Variants in FABP12 observed in about 807,000 individuals in gnomAD.
FABP12 encodes the protein fatty acid binding protein 12.
In FABP12, 19 loss-of-function variants were observed where a neutral mutation model predicts 13.7. The observed-to-expected ratio is 1.39, with a 90% confidence interval of 0.97 to 2.04. The LOEUF (loss-of-function observed/expected upper bound fraction) is 2.04, where lower values mean the gene tolerates loss of function less well. Among genes scored for constraint, FABP12 ranks in the 30% most tolerant of loss-of-function variants. FABP12 has a pLI of 0.00. For missense variants in FABP12, 182 were observed against 164.2 expected (o/e 1.11, Z -0.59); for synonymous variants, 61 against 57.0 (o/e 1.07, Z -0.32).
At chr8:81,552,147 C>T (rs527422675) in intron 1 of FABP12, among the ~76,000 whole-genome samples, 48 of 152,208 alleles carry the variant, frequency 3.2e-4, no homozygotes, top group African/African-American at 9.6e-4. Flanking sequence ...ACAGAAAGGG[C>T]TTCCCTGAGA....
At chr8:81,557,168 C>T (rs926797688) in intron 1 of FABP12, among the ~76,000 whole-genome samples, 1 of 152,126 alleles carries the variant, frequency 6.6e-6, no homozygotes, top group Non-Finnish European at 1.5e-5. Context: ...AGCCACCGCA[C>T]CTGGCCAAGC....
intron 3 of FABP12, among the ~76,000 whole-genome samples, chr8:81,527,344 G>C (rs1368513443): frequency 6.6e-6 from 1 of 152,082 alleles, no homozygotes; most frequent in Non-Finnish European, 1.5e-5. Context: ...TTATCTTGAA[G>C]AATAAGTAAA....
intron 1 of FABP12, among the ~76,000 whole-genome samples, chr8:81,583,425 A>G (rs1810196970): frequency 6.6e-6 from 1 of 152,130 alleles, no homozygotes. Flanking sequence ...AAAAAGATAA[A>G]CAAAATTAAT....
At chr8:81,531,826 T>C (rs1365509253) in intron 1 of FABP12, among the ~76,000 whole-genome samples, 2 of 152,178 alleles carry the variant, frequency 1.3e-5, no homozygotes, top group African/African-American at 4.8e-5. Context: ...ACTTGACATT[T>C]GAAGTAAAAA....
intron 1 of FABP12, among the ~76,000 whole-genome samples, chr8:81,548,944 T>A (rs1809481189): frequency 6.6e-6 from 1 of 152,218 alleles, no homozygotes; most frequent in African/African-American, 2.4e-5. Context: ...ACTTTTTGCA[T>A]GAGATTAACA....
chr8:81,549,196 C>G (rs906328032), intron 1 of FABP12, among the ~76,000 whole-genome samples: 19 of 149,770 alleles, frequency 1.3e-4, no homozygotes, highest in Non-Finnish European at 2.4e-4. Context: ...CTTTCAATCT[C>G]TCTCTCTCTT....
In FABP12 at chr8:81,583,876, G is replaced by C. The variant is rs7820304; in HGVS notation, c.-185+6177C>G. Among the ~76,000 whole-genome samples, 904 of 152,170 alleles carry C rather than the reference G, an allele frequency of 5.9e-3. 8 individuals are homozygous for C. The highest frequency in any genetic ancestry group is 0.02 in the African/African-American group (844 of 41,536). On this transcript the variant is annotated intron_variant, in intron 1 of 5. Transcript: ENST00000692030. ...ATTACCCTGACACCAAAAGCAGACA[G>C]GACACAACAAAAATAAAAAACCTAC...
chr8:81,531,166 A>G (rs1306818278), intron 2 of FABP12, 77 bp downstream of exon 2: 1 of 947,712 alleles, frequency 1.1e-6, no homozygotes, highest in Non-Finnish European at 1.6e-6. Flanking sequence ...GATTAATATT[A>G]TTTTATACAG....
chr8:81,537,063 C>G (rs1051389985), upstream of FABP12, among the ~76,000 whole-genome samples: 1 of 129,144 alleles, frequency 7.7e-6, no homozygotes, highest in African/African-American at 4.2e-5. Flanking sequence ...TGGTGGATAC[C>G]ATTTTTCATT....
chr8:81,568,622 C>G (rs1356004403), intron 1 of FABP12, among the ~76,000 whole-genome samples: 1 of 152,148 alleles, frequency 6.6e-6, no homozygotes, highest in Non-Finnish European at 1.5e-5. Context: ...AGCAACACCA[C>G]GGCTAGGTAA....
intron 1 of FABP12, among the ~76,000 whole-genome samples, chr8:81,562,932 G>GAT (rs1190080712): frequency 6.6e-6 from 1 of 152,208 alleles, no homozygotes; most frequent in African/African-American, 2.4e-5. Flanking sequence ...TTGAGCAAAT[G>GAT]TAAGTGGTAG....
chr8:81,531,964 C>A (rs1309907374), intron 1 of FABP12, among the ~76,000 whole-genome samples: 1 of 152,126 alleles, frequency 6.6e-6, no homozygotes, highest in Non-Finnish European at 1.5e-5. Flanking sequence ...CACACACACA[C>A]ACACAGCCCT....
At chr8:81,547,352 A>G (rs771500947) in intron 1 of FABP12, among the ~76,000 whole-genome samples, 22 of 152,224 alleles carry the variant, frequency 1.4e-4, no homozygotes, top group Non-Finnish European at 3.1e-4. Flanking sequence ...GCATTACACA[A>G]TGACCTTTAA....
chr8:81,584,278 A>T (rs1047753530), intron 1 of FABP12, among the ~76,000 whole-genome samples: 3 of 152,198 alleles, frequency 2.0e-5, no homozygotes, highest in Admixed American at 6.5e-5. Flanking sequence ...GCAGGAGGTG[A>T]GTGGAGATGC....
At chr8:81,538,886 G>A (rs551665200), upstream of FABP12, among the ~76,000 whole-genome samples, 1 of 152,202 alleles carries the variant, frequency 6.6e-6, no homozygotes, top group Non-Finnish European at 1.5e-5. Context: ...GTCTCACTCT[G>A]TCACCCAGGC....
At chr8:81,525,233 A>T (rs563264736) in intron 4 of FABP12, 113 bp from the exon 5 acceptor site, 3 of 720,708 alleles carry the variant, frequency 4.2e-6, no homozygotes, top group East Asian at 6.0e-5. Flanking sequence ...ATTGAAAGAG[A>T]GGCCGGGCGC....
intron 1 of FABP12, among the ~76,000 whole-genome samples, chr8:81,580,913 G>GT (rs202218527): frequency 0.017 from 2,662 of 152,274 alleles, 30 homozygotes; most frequent in Non-Finnish European, 0.026. Flanking sequence ...TTCCTATTGT[G>GT]TAAGACTCGG....
chr8:81,578,287 G>A (rs553459861), intron 1 of FABP12, among the ~76,000 whole-genome samples: 1 of 152,118 alleles, frequency 6.6e-6, no homozygotes, highest in Non-Finnish European at 1.5e-5. Flanking sequence ...ACCATAATTC[G>A]ACAAGTAGCA....
At chr8:81,575,160 G>A (rs949092460) in intron 1 of FABP12, among the ~76,000 whole-genome samples, 1 of 152,060 alleles carries the variant, frequency 6.6e-6, no homozygotes, top group Admixed American at 6.6e-5. Context: ...TGTCATTATT[G>A]TCATTCAGTT....
Sources: allele counts gnomAD v4.1 joint callset (sites outside exome capture counted in the v4.1 genomes callset), GRCh38; gene constraint gnomAD v4.1.1; transcripts MANE v1.5; gene names NCBI Gene and HGNC (gene_info 2026-07-23, HGNC 2026-07-21).